The following LRIF1 variants were observed in gnomAD, a reference collection of about 807,000 sequenced individuals.
The protein encoded by LRIF1 is ligand-dependent nuclear receptor-interacting factor 1.
Under a neutral mutation model 52.7 loss-of-function variants are expected in LRIF1, and 32 were observed. The ratio of observed to expected loss-of-function variants is 0.61; its 90% CI spans 0.46 to 0.82. The LOEUF is 0.82. Ranked by LOEUF, LRIF1 falls within the 40% of genes least tolerant of loss-of-function variation. The probability of loss-of-function intolerance (pLI) is 0.00; values close to 1 mark genes in which losing one functional copy is unlikely to be tolerated. For synonymous variants in LRIF1, 323 were observed against 317.4 expected (o/e 1.02, Z -0.19); for missense variants, 887 against 892.0 (o/e 0.99, Z 0.07).
At chr1:110,884,684 T>TTAA in the LRIF1 span, among the ~76,000 whole-genome samples, 1 of 151,128 alleles carries the variant, frequency 6.6e-6, no homozygotes, top group East Asian at 2.0e-4. Flanking sequence ...AATCAGTCCC[T>TTAA]TTATAAAGTA....
At chr1:110,896,515 G>A in the LRIF1 span, 7 of 717,762 alleles carry the variant, frequency 9.8e-6, no homozygotes, top group East Asian at 1.8e-4. Flanking sequence ...TTGTTTTAAG[G>A]AGCCCATAGC....
the LRIF1 span, among the ~76,000 whole-genome samples, chr1:110,923,660 A>T: frequency 1.3e-5 from 2 of 152,202 alleles, no homozygotes; most frequent in Non-Finnish European, 2.9e-5. Context: ...TGTTTAAACT[A>T]AAACTCAGAG....
intron 1 of LRIF1, among the ~76,000 whole-genome samples, chr1:110,954,823 A>G (rs1658630598): frequency 6.6e-6 from 1 of 152,202 alleles, no homozygotes; most frequent in Non-Finnish European, 1.5e-5. Flanking sequence ...CAAAAGAGTA[A>G]CAGTAGCCTC....
At chr1:110,957,471 A>C (rs1658750377) in intron 1 of LRIF1, among the ~76,000 whole-genome samples, 1 of 45,412 alleles carries the variant, frequency 2.2e-5, no homozygotes, top group Non-Finnish European at 6.2e-5. Context: ...ACTCAGTCTC[A>C]AAAAAAAAAA....
At chr1:110,957,301 CAAAAAAA>C (rs35011841) in intron 1 of LRIF1, among the ~76,000 whole-genome samples, 23 of 81,878 alleles carry the variant, frequency 2.8e-4, no homozygotes, top group East Asian at 1.6e-3. Context: ...ACTAAAAATA[CAAAAAAA>C]AAAAAAAAAA....
chr1:110,917,347 A>G, the LRIF1 span, among the ~76,000 whole-genome samples: 6 of 152,272 alleles, frequency 3.9e-5, no homozygotes, highest in East Asian at 1.2e-3. Flanking sequence ...CTAACATCAG[A>G]CAGGAAGACA....
At chr1:110,939,260 C>T in the LRIF1 span, 1 of 151,552 alleles carries the variant, frequency 6.6e-6, no homozygotes, top group Non-Finnish European at 1.5e-5. Context: ...CGCCTGTAGT[C>T]CCAGCTACTT....
the LRIF1 span, among the ~76,000 whole-genome samples, chr1:110,918,842 C>T: frequency 1.3e-5 from 2 of 152,186 alleles, no homozygotes; most frequent in African/African-American, 2.4e-5. Context: ...AAGAACTACA[C>T]ACTCAGATTA....
At position 110,963,907 on chromosome 1, in the gene LRIF1, C is replaced by G; in HGVS notation, c.-219G>C. ...CGCACCGCGCAGAAACCGGAAGGCT[C>G]CTGGCGGTGGACTGCGCCCTCACAG... is the stretch of plus-strand genomic sequence containing the variant. On this transcript the variant is annotated 5_prime_UTR_variant, in exon 1 of 4. Coordinates refer to ENST00000369763, the MANE Select transcript of LRIF1 (RefSeq NM_018372.4). 2.3e-6 allele frequency: 1 copy of G among 427,882 alleles called. No individual in the cohort carries two copies. The highest frequency in any genetic ancestry group is 3.0e-5 in the South Asian group (1 of 33,580). The allele number at this position is 427,882 out of a possible 1,614,324, so 26.5% of individuals were successfully genotyped here. A position where few individuals can be genotyped will look rare whatever the true frequency, so the allele number is the denominator to read the frequency against.
chr1:110,936,922 G>A, the LRIF1 span: 1 of 151,948 alleles, frequency 6.6e-6, no homozygotes, highest in Non-Finnish European at 1.5e-5. Context: ...AACCCAAAAA[G>A]AGCATGAGTA....
Position 110,951,521 on chromosome 1 carries a change from T to C in LRIF1, c.1363A>G (p.Thr455Ala). Reference protein sequence around the residue: ...NKVEKPSPSTTNPHMNQSSNY... With the variant: ...NKVEKPSPSTANPHMNQSSNY... ...CTGGATTGGTTCATATGTGGATTTG[T>C]GGTAGAAGGAGATGGTTTCTCCACT... The change falls in exon 2 of 4, where the codon ACA (threonine) becomes GCA (alanine). Residue 455 changes from threonine (T) to alanine (A), a missense_variant. Coordinates refer to ENST00000369763, the MANE Select transcript of LRIF1 (RefSeq NM_018372.4). 1 of 1,614,198 alleles carries C rather than the reference T, an allele frequency of 6.2e-7. No individual in the cohort carries two copies. The highest frequency in any genetic ancestry group is 1.1e-5 in the South Asian group (1 of 91,082).
chr1:110,926,844 G>T, the LRIF1 span, among the ~76,000 whole-genome samples: 1 of 152,116 alleles, frequency 6.6e-6, no homozygotes, highest in African/African-American at 2.4e-5. Context: ...AATAAATAGG[G>T]TATCTGCGAA....
the LRIF1 span, among the ~76,000 whole-genome samples, chr1:110,915,717 C>T: frequency 6.6e-6 from 1 of 152,046 alleles, no homozygotes; most frequent in Admixed American, 6.6e-5. Context: ...ATTCTTGATC[C>T]GGGTGTTATA....
intron 1 of LRIF1, among the ~76,000 whole-genome samples, chr1:110,960,634 A>T (rs1225464593): frequency 2.6e-5 from 4 of 152,170 alleles, no homozygotes; most frequent in African/African-American, 9.7e-5. Context: ...TTCATATTCA[A>T]ATATCTGACT....
chr1:110,949,342 T>C (rs982243508), intron 3 of LRIF1, among the ~76,000 whole-genome samples: 25 of 151,506 alleles, frequency 1.7e-4, no homozygotes, highest in Admixed American at 3.3e-4. Context: ...ATGGTCTCGA[T>C]CTCTTGACCT....
intron 1 of LRIF1, among the ~76,000 whole-genome samples, chr1:110,956,475 T>C (rs573934349): frequency 6.6e-6 from 1 of 152,094 alleles, no homozygotes; most frequent in East Asian, 1.9e-4. Context: ...AGTATAGGGA[T>C]AAAATAAAGG....
intron 1 of LRIF1, chr1:110,963,272 T>G (rs1659040442): frequency 1.1e-5 from 2 of 176,378 alleles, no homozygotes; most frequent in Admixed American, 5.8e-5. Flanking sequence ...TGCTGACTGC[T>G]GCGTTTCTGC....
At chr1:110,924,954 T>C in the LRIF1 span, among the ~76,000 whole-genome samples, 73 of 152,312 alleles carry the variant, frequency 4.8e-4, no homozygotes, top group African/African-American at 1.7e-3. Context: ...TCTCAACAGA[T>C]GTCCAGAAAG....
At chr1:110,920,985 G>A in the LRIF1 span, among the ~76,000 whole-genome samples, 1 of 152,200 alleles carries the variant, frequency 6.6e-6, no homozygotes, top group South Asian at 2.1e-4. Flanking sequence ...AGTGGTCCTA[G>A]GGAGAATGTC....
Sources: allele counts gnomAD v4.1 joint callset (sites outside exome capture counted in the v4.1 genomes callset), GRCh38; gene constraint gnomAD v4.1.1; transcripts MANE v1.5; gene names NCBI Gene and HGNC (gene_info 2026-07-23, HGNC 2026-07-21).